SSPN: variants seen among roughly 807,000 people sequenced by gnomAD.
SSPN encodes the protein K-ras oncogene-associated protein.
SSPN carries 15 observed loss-of-function variants against 19.1 expected under a neutral mutation model. That is an observed-to-expected ratio of 0.78 (90% CI 0.52 to 1.21). The LOEUF (loss-of-function observed/expected upper bound fraction) is 1.21, where lower values mean the gene tolerates loss of function less well. SSPN is among the 50% of genes most tolerant of loss of function. SSPN has a pLI of 0.00. For missense variants in SSPN, 291 were observed against 314.0 expected, an observed-to-expected ratio of 0.93 and a Z score of 0.55; for synonymous variants, 147 against 140.3, an observed-to-expected ratio of 1.05 and a Z score of -0.34.
In SSPN at chr12:26,231,152, CAAA is replaced by C; in HGVS notation, c.*77_*79del. ...TAAACAAACAAAAAAAAATTTTAAACAAAGAAAGGAAAAAAATTGACAATAAAA... is the reference window on the plus strand; with the variant it reads ...TAAACAAACAAAAAAAAATTTTAAACGAAAGGAAAAAAATTGACAATAAAA... On this transcript the variant is annotated 3_prime_UTR_variant, in exon 3 of 3. Transcript: ENST00000242729. 7.0e-7 allele frequency: 1 copy of C among 1,435,376 alleles called. No individual in the cohort carries two copies. Among genetic ancestry groups the C allele is most frequent in the Non-Finnish European group, 9.1e-7 (1 of 1,093,014 alleles). The allele number at this position is 1,435,376 out of a possible 1,614,324, so 88.9% of individuals were successfully genotyped here. A position where few individuals can be genotyped will look rare whatever the true frequency, so the allele number is the denominator to read the frequency against.
chr12:26,181,438 C>T (rs748563579), intron 1 of SSPN, among the ~76,000 whole-genome samples: 1 of 152,114 alleles, frequency 6.6e-6, no homozygotes, highest in Non-Finnish European at 1.5e-5. Flanking sequence ...CTGTTTTCCA[C>T]TGTCTTATTT....
At chr12:26,131,224 A>T (rs989408351) in intron 1 of SSPN, among the ~76,000 whole-genome samples, 5 of 152,208 alleles carry the variant, frequency 3.3e-5, no homozygotes, top group African/African-American at 1.2e-4. Flanking sequence ...AATTGCACAA[A>T]CTTAACTAAC....
chr12:26,149,393 A>G (rs529378840), intron 1 of SSPN, among the ~76,000 whole-genome samples: 2 of 152,192 alleles, frequency 1.3e-5, no homozygotes, highest in African/African-American at 4.8e-5. Context: ...TATCAAAGAA[A>G]GGTCAAATTC....
chr12:26,130,361 A>G (rs754443069), intron 1 of SSPN, among the ~76,000 whole-genome samples: 1 of 152,148 alleles, frequency 6.6e-6, no homozygotes, highest in Non-Finnish European at 1.5e-5. Context: ...CCTTACATCA[A>G]TTGTCAGATG....
intron 1 of SSPN, among the ~76,000 whole-genome samples, chr12:26,166,178 G>A (rs777500901): frequency 2.0e-5 from 3 of 152,098 alleles, no homozygotes; most frequent in Admixed American, 1.3e-4. Context: ...TGTAGATGAC[G>A]GTTGATGAGT....
intron 1 of SSPN, chr12:26,122,528 G>C (rs759277926): frequency 2.7e-5 from 34 of 1,279,194 alleles, no homozygotes; most frequent in Non-Finnish European, 3.2e-5. Flanking sequence ...CGCCTCCGCC[G>C]AACGCCACCA....
At chr12:26,137,269 T>G (rs569244046) in intron 1 of SSPN, among the ~76,000 whole-genome samples, 1 of 152,294 alleles carries the variant, frequency 6.6e-6, no homozygotes, top group African/African-American at 2.4e-5. Context: ...GCAGAGTCAT[T>G]GCCCATAATC....
intron 1 of SSPN, among the ~76,000 whole-genome samples, chr12:26,148,879 T>C (rs1944508609): frequency 6.6e-6 from 1 of 152,156 alleles, no homozygotes; most frequent in Non-Finnish European, 1.5e-5. Context: ...TCATCTGTAT[T>C]ATCACACTCT....
intron 1 of SSPN, chr12:26,214,607 C>G (rs1591887364): frequency 6.6e-6 from 1 of 152,278 alleles, no homozygotes; most frequent in African/African-American, 2.4e-5. Context: ...GTAACCCTGT[C>G]TCCTTAATTA....
intron 1 of SSPN, among the ~76,000 whole-genome samples, chr12:26,157,794 C>G (rs962026875): frequency 6.6e-6 from 1 of 152,152 alleles, no homozygotes; most frequent in Admixed American, 6.5e-5. Flanking sequence ...CAACCCTAAA[C>G]TATGGGACAA....
At chr12:26,123,549 C>CG (rs1233692558) in intron 1 of SSPN, 2 of 948,168 alleles carry the variant, frequency 2.1e-6, no homozygotes, top group Non-Finnish European at 3.5e-6. Context: ...AGATGGGGTG[C>CG]GGGTGAGGGA....
Position 26,232,938 on chromosome 12 carries a change from A to AAG in SSPN, c.*1863_*1864insGA, listed in dbSNP as rs1180511358. On this transcript the variant is annotated 3_prime_UTR_variant, in exon 3 of 3. Coordinates refer to ENST00000242729, the MANE Select transcript of SSPN (RefSeq NM_005086.5). The stretch of plus-strand genomic sequence containing the variant: ...GTAAAATACCTTGTGCCCTATTAAA[A>AAG]AAAAAAAAAAAAAAAAAGCCAGTAA... 2 of 150,938 alleles carry AAG rather than the reference A, an allele frequency of 1.3e-5. No homozygotes were observed. Among genetic ancestry groups the AAG allele is most frequent in the African/African-American group, 4.9e-5 (2 of 41,008 alleles). 9.3% of individuals were successfully genotyped at this position (150,938 alleles called of 1,614,324 possible). A position where few individuals can be genotyped will look rare whatever the true frequency, so the allele number is the denominator to read the frequency against.
intron 1 of SSPN, among the ~76,000 whole-genome samples, chr12:26,222,546 T>C (rs985541612): frequency 2.0e-5 from 3 of 152,210 alleles, no homozygotes; most frequent in Non-Finnish European, 1.5e-5. Context: ...TTTAATGACT[T>C]GCTAGGTGAC....
chr12:26,125,264 C>CGATGCAG (rs1478221770), intron 1 of SSPN: 1 of 166,132 alleles, frequency 6.0e-6, no homozygotes, highest in Admixed American at 6.8e-5. Flanking sequence ...TTCCCAAAGG[C>CGATGCAG]GATGCAGTCG....
chr12:26,123,995 C>A, intron 1 of SSPN: 1 of 1,036,100 alleles, frequency 9.7e-7, no homozygotes, highest in South Asian at 1.3e-5. Flanking sequence ...TACATTTATT[C>A]TTATATTTTC....
intron 1 of SSPN, among the ~76,000 whole-genome samples, chr12:26,201,044 TATTA>T (rs1337119422): frequency 0.02 from 832 of 41,730 alleles, 4 homozygotes; most frequent in Middle Eastern, 0.074. Context: ...TATATATATA[TATTA>T]TATATATATA....
chr12:26,202,197 C>T (rs561926615), intron 1 of SSPN, among the ~76,000 whole-genome samples: 32 of 152,252 alleles, frequency 2.1e-4, no homozygotes, highest in South Asian at 1.0e-3. Context: ...TCAGTACAGA[C>T]ACAACCATCC....
chr12:26,151,357 C>T (rs1944524250), intron 1 of SSPN, among the ~76,000 whole-genome samples: 1 of 151,938 alleles, frequency 6.6e-6, no homozygotes, highest in African/African-American at 2.4e-5. Flanking sequence ...GCATTATTTC[C>T]CTATTTAGAT....
chr12:26,178,198 T>C (rs1944696370), intron 1 of SSPN, among the ~76,000 whole-genome samples: 1 of 152,216 alleles, frequency 6.6e-6, no homozygotes, highest in Non-Finnish European at 1.5e-5. Context: ...AAGCGTAGAC[T>C]CTGAAGCCAG....
Sources: gnomAD v4.1 joint callset for allele counts (sites outside exome capture counted in the v4.1 genomes callset) on GRCh38, gnomAD v4.1.1 for gene constraint, MANE v1.5 for transcripts, NCBI Gene and HGNC (gene_info 2026-07-23, HGNC 2026-07-21) for gene names.